Variants in STRBP observed in about 807,000 individuals in gnomAD.
STRBP encodes spermatid perinuclear RNA-binding protein.
Under a neutral mutation model 80.1 loss-of-function variants are expected in STRBP, and 13 were observed. That is an observed-to-expected ratio of 0.16 (90% CI 0.11 to 0.26). STRBP has a LOEUF of 0.26. STRBP is among the 10% of genes least tolerant of loss of function. The pLI, the probability that STRBP is intolerant of heterozygous loss-of-function variation, is 1.00. For synonymous variants in STRBP, 284 were observed against 291.2 expected (o/e 0.98, Z 0.25); for missense variants, 485 against 815.2 (o/e 0.59, Z 4.93).
At chr9:123,195,995 A>G (rs963133143) in intron 2 of STRBP, among the ~76,000 whole-genome samples, 11 of 152,232 alleles carry the variant, frequency 7.2e-5, no homozygotes, top group African/African-American at 2.7e-4. Context: ...GCTGGCATAA[A>G]AACAGACACA....
intron 2 of STRBP, among the ~76,000 whole-genome samples, chr9:123,217,343 C>T (rs1265961088): frequency 4.6e-5 from 7 of 152,092 alleles, no homozygotes; most frequent in Non-Finnish European, 1.0e-4. Flanking sequence ...GAAAAAAAAG[C>T]ATCTTATTCC....
chr9:123,147,153 T>G, intron 12 of STRBP, 99 bp from the exon 13 acceptor site: 1 of 920,138 alleles, frequency 1.1e-6, no homozygotes. Flanking sequence ...TTCACCAAAA[T>G]TTTTTTAAAT....
At chr9:123,205,243 C>A (rs2039473375) in intron 2 of STRBP, among the ~76,000 whole-genome samples, 1 of 152,200 alleles carries the variant, frequency 6.6e-6, no homozygotes, top group Non-Finnish European at 1.5e-5. Context: ...TCCAGCTGGG[C>A]AACAAGAGCA....
chr9:123,264,062 C>A (rs2041217249), intron 1 of STRBP, among the ~76,000 whole-genome samples: 1 of 152,188 alleles, frequency 6.6e-6, no homozygotes, highest in South Asian at 2.1e-4. Flanking sequence ...ACCTGTAGTC[C>A]TAGCTACTCG....
downstream of STRBP, among the ~76,000 whole-genome samples, chr9:123,117,234 C>T (rs1385250120): frequency 3.3e-5 from 5 of 152,242 alleles, no homozygotes; most frequent in South Asian, 6.2e-4. Flanking sequence ...GTTCCTTTTT[C>T]CTGCTCCCCT....
At chr9:123,234,390 A>C (rs2040490289) in intron 2 of STRBP, among the ~76,000 whole-genome samples, 1 of 152,032 alleles carries the variant, frequency 6.6e-6, no homozygotes, top group South Asian at 2.1e-4. Context: ...TTCACAAGAC[A>C]GAAAAAACTG....
chr9:123,203,270 C>T (rs1345673010), intron 2 of STRBP, among the ~76,000 whole-genome samples: 1 of 151,506 alleles, frequency 6.6e-6, no homozygotes, highest in East Asian at 1.9e-4. Flanking sequence ...CACTTGAGCC[C>T]GGAAGTTTGA....
chr9:123,144,649 T>C (rs1006433364), intron 13 of STRBP, among the ~76,000 whole-genome samples: 1 of 152,190 alleles, frequency 6.6e-6, no homozygotes, highest in African/African-American at 2.4e-5. Flanking sequence ...ATGAATTTTT[T>C]CCCCTCATTT....
At chr9:123,154,932 G>A (rs1355273105) in intron 11 of STRBP, among the ~76,000 whole-genome samples, 1 of 152,210 alleles carries the variant, frequency 6.6e-6, no homozygotes, top group Non-Finnish European at 1.5e-5. Context: ...TTTCAGATGG[G>A]AGATACTGCA....
At chr9:123,152,733 A>G (rs1254792862) in intron 11 of STRBP, among the ~76,000 whole-genome samples, 2 of 152,202 alleles carry the variant, frequency 1.3e-5, no homozygotes, top group Non-Finnish European at 2.9e-5. Flanking sequence ...ATGGCTGAGC[A>G]GAGAGAGGCG....
At chr9:123,213,321 T>C (rs2039778114) in intron 2 of STRBP, among the ~76,000 whole-genome samples, 3 of 152,204 alleles carry the variant, frequency 2.0e-5, no homozygotes, top group African/African-American at 4.8e-5. Flanking sequence ...ATCTCAGTTA[T>C]TCAGAATGTG....
In STRBP at chr9:123,125,138, C is replaced by G; in HGVS notation, c.*459G>C. Reference sequence around the variant, plus strand: ...TTGTATTAAAAAAAATAACTACAGCCCAAATTAAAGTGCCCTGGGGCAAAT... The same window carrying G: ...TTGTATTAAAAAAAATAACTACAGCGCAAATTAAAGTGCCCTGGGGCAAAT... On this transcript the variant is annotated 3_prime_UTR_variant, in exon 19 of 19. Transcript: ENST00000348403. 1 of 986,114 alleles carries G rather than the reference C, an allele frequency of 1.0e-6. No individual in the cohort carries two copies. Among genetic ancestry groups the G allele is most frequent in the Non-Finnish European group, 1.2e-6 (1 of 830,238 alleles). 61.1% of individuals were successfully genotyped at this position (986,114 alleles called of 1,614,324 possible). A position where few individuals can be genotyped will look rare whatever the true frequency, so the allele number is the denominator to read the frequency against.
At chr9:123,235,951 T>C (rs2040549754) in intron 2 of STRBP, among the ~76,000 whole-genome samples, 1 of 152,228 alleles carries the variant, frequency 6.6e-6, no homozygotes. Flanking sequence ...ATAATCCATC[T>C]GCACAAATAC....
At chr9:123,181,403 C>T (rs1053098914) in intron 3 of STRBP, among the ~76,000 whole-genome samples, 3 of 152,204 alleles carry the variant, frequency 2.0e-5, no homozygotes, top group African/African-American at 7.2e-5. Flanking sequence ...ATTACATAAA[C>T]ATTTGTCATT....
intron 2 of STRBP, among the ~76,000 whole-genome samples, chr9:123,190,029 C>T (rs371593349): frequency 3.3e-5 from 5 of 152,198 alleles, no homozygotes; most frequent in African/African-American, 7.2e-5. Flanking sequence ...CCTGTAATCC[C>T]AGCACTTTGG....
At chr9:123,111,420 A>G (rs113213803) in intron 3 of STRBP, 25 of 308,144 alleles carry the variant, frequency 8.1e-5, no homozygotes, top group African/African-American at 5.0e-4. Flanking sequence ...AACAAGGAAA[A>G]GAAAAAGAGT....
chr9:123,183,298 T>C (rs968711234), intron 3 of STRBP, among the ~76,000 whole-genome samples: 3 of 151,910 alleles, frequency 2.0e-5, no homozygotes, highest in African/African-American at 7.3e-5. Flanking sequence ...TAGCTGGGTA[T>C]GGTGGCGGGC....
intron 2 of STRBP, among the ~76,000 whole-genome samples, chr9:123,222,674 G>A (rs1178937519): frequency 2.0e-5 from 3 of 152,124 alleles, no homozygotes; most frequent in African/African-American, 4.8e-5. Flanking sequence ...ATACTCTTCC[G>A]AAGGTCACAG....
chr9:123,267,524 T>C (rs2041296281), intron 1 of STRBP, among the ~76,000 whole-genome samples: 1 of 150,832 alleles, frequency 6.6e-6, no homozygotes, highest in Non-Finnish European at 1.5e-5. Context: ...CAGGCTCCCC[T>C]ATACACCTGG....
Sources: gnomAD v4.1 joint callset for allele counts (sites outside exome capture counted in the v4.1 genomes callset) on GRCh38, gnomAD v4.1.1 for gene constraint, MANE v1.5 for transcripts, NCBI Gene and HGNC (gene_info 2026-07-23, HGNC 2026-07-21) for gene names.